Variants in FOXP1 observed in about 807,000 individuals in gnomAD.
FOXP1 encodes forkhead box P1.
Under a neutral mutation model 98.2 loss-of-function variants are expected in FOXP1, and 15 were observed. The ratio of observed to expected loss-of-function variants is 0.15; its 90% confidence interval spans 0.10 to 0.24. FOXP1 has a LOEUF of 0.24. Among genes scored for constraint, FOXP1 ranks in the 10% least tolerant of loss-of-function variants. The pLI is 1.00. For synonymous variants in FOXP1, 371 were observed against 314.5 expected, an observed-to-expected ratio of 1.18 and a Z score of -1.90; for missense variants, 633 against 848.5, an observed-to-expected ratio of 0.75 and a Z score of 3.15.
At chr3:71,031,427 C>A (rs1289430920) in intron 11 of FOXP1, among the ~76,000 whole-genome samples, 1 of 152,166 alleles carries the variant, frequency 6.6e-6, no homozygotes, top group East Asian at 1.9e-4. Context: ...CAAATAGTTA[C>A]ACAAAAGCAG....
chr3:71,171,768 T>G (rs983806809), intron 6 of FOXP1, among the ~76,000 whole-genome samples: 2 of 152,234 alleles, frequency 1.3e-5, no homozygotes, highest in African/African-American at 4.8e-5. Context: ...AAAGTTGTAT[T>G]GACACACAGG....
At chr3:71,271,536 C>T (rs1022277348) in intron 5 of FOXP1, among the ~76,000 whole-genome samples, 1 of 152,182 alleles carries the variant, frequency 6.6e-6, no homozygotes, top group Non-Finnish European at 1.5e-5. Context: ...AACACCTATT[C>T]ATCCACTCCA....
intron 5 of FOXP1, among the ~76,000 whole-genome samples, chr3:71,285,623 C>A (rs1186227624): frequency 6.6e-6 from 1 of 152,150 alleles, no homozygotes; most frequent in African/African-American, 2.4e-5. Context: ...GAAATTAAAT[C>A]CGAGAAAGGG....
At chr3:71,058,744 T>C (rs983818424) in intron 7 of FOXP1, among the ~76,000 whole-genome samples, 2 of 152,048 alleles carry the variant, frequency 1.3e-5, no homozygotes, top group African/African-American at 4.8e-5. Flanking sequence ...ATACAACAGA[T>C]GTATTGGCAA....
At chr3:71,106,613 T>C (rs2687768) in intron 7 of FOXP1, among the ~76,000 whole-genome samples, 147,185 of 151,554 alleles carry the variant, frequency 0.97, 71,509 homozygotes, top group South Asian at 0.99. Flanking sequence ...CGTGAGCCAT[T>C]GCACCCGGCC....
chr3:71,333,816 C>G (rs886296125), intron 4 of FOXP1: 1 of 150,100 alleles, frequency 6.7e-6, no homozygotes. Context: ...AGAGTGAGAC[C>G]CTATCTTAAA....
intron 3 of FOXP1, among the ~76,000 whole-genome samples, chr3:71,434,570 A>G (rs1335890597): frequency 1.3e-5 from 2 of 151,886 alleles, no homozygotes; most frequent in Non-Finnish European, 2.9e-5. Flanking sequence ...CTTCCTGGGC[A>G]CTCATGTATA....
chr3:71,186,160 G>C (rs1239115077), intron 6 of FOXP1, among the ~76,000 whole-genome samples: 1 of 152,134 alleles, frequency 6.6e-6, no homozygotes, highest in African/African-American at 2.4e-5. Context: ...CATAAGATAG[G>C]TTATGTTTTT....
At chr3:71,582,148 G>C (rs1248520594) in intron 1 of FOXP1, 1 of 984,944 alleles carries the variant, frequency 1.0e-6, no homozygotes, top group Non-Finnish European at 1.2e-6. Flanking sequence ...TTCCGGGAGC[G>C]GAGCTCCCCA....
At chr3:71,309,244 A>C (rs1364947134) in intron 4 of FOXP1, among the ~76,000 whole-genome samples, 2 of 152,150 alleles carry the variant, frequency 1.3e-5, no homozygotes, top group African/African-American at 2.4e-5. Flanking sequence ...TTTTGCAAAA[A>C]TTCTTTCCCT....
At chr3:71,295,809 C>T (rs1311625254) in intron 5 of FOXP1, among the ~76,000 whole-genome samples, 1 of 152,160 alleles carries the variant, frequency 6.6e-6, no homozygotes, top group African/African-American at 2.4e-5. Flanking sequence ...TATTAGATCA[C>T]CAAACCAAGG....
Position 71,399,510 on chromosome 3 carries a change from C to A in FOXP1, c.-167-40266G>T, listed in dbSNP as rs189612519. 2.9e-4 allele frequency among the ~76,000 whole-genome samples: 44 copies of A among 152,298 alleles called. 1 individual carries two copies. The East Asian group carries it at 8.1e-3, about 28-fold the overall frequency. ...ATACCTGAAGTTCTAAAATCCTATGCATTTCACTAAAGTCGATAAAAATCA... is the reference window on the plus strand; with the variant it reads ...ATACCTGAAGTTCTAAAATCCTATGAATTTCACTAAAGTCGATAAAAATCA... On this transcript the variant is annotated intron_variant, in intron 3 of 20. Transcript: ENST00000649528.
intron 6 of FOXP1, among the ~76,000 whole-genome samples, chr3:71,190,628 A>AC (rs2062911851): frequency 8.8e-6 from 1 of 113,026 alleles, no homozygotes; most frequent in Non-Finnish European, 1.7e-5. Context: ...ACCGAGCTAG[A>AC]CCCCATCTCC....
In FOXP1 at chr3:71,052,617, GA is replaced by G; in HGVS notation, c.429del (p.Gln144LysfsTer62). 1 of 1,272,976 alleles carries G rather than the reference GA, an allele frequency of 7.9e-7. No homozygotes were observed. The highest frequency in any genetic ancestry group is 1.2e-6 in the Non-Finnish European group (1 of 867,904). 78.9% of individuals were successfully genotyped at this position (1,272,976 alleles called of 1,614,324 possible). A position where few individuals can be genotyped will look rare whatever the true frequency, so the allele number is the denominator to read the frequency against. On this transcript the variant is annotated frameshift_variant, in exon 9 of 21. Coordinates refer to ENST00000649528, the MANE Select transcript of FOXP1 (RefSeq NM_001349338.3). LOFTEE classifies it high-confidence loss of function. The part of the protein sequence containing the change: ...QQALMLQQQQ[L>X]QEFYKKQQEQ... ...TCCTGTTGTTTTTTATAAAACTCTT[GA>G]AGCTGCTGCTACAAAGGAAAGAGAG... is the stretch of plus-strand genomic sequence containing the variant.
chr3:71,562,854 C>A (rs1425945447), intron 2 of FOXP1, among the ~76,000 whole-genome samples: 2 of 152,296 alleles, frequency 1.3e-5, no homozygotes, highest in African/African-American at 4.8e-5. Context: ...CTGGGCCCAA[C>A]AGATACATAA....
intron 11 of FOXP1, among the ~76,000 whole-genome samples, chr3:71,022,771 C>G (rs980539591): frequency 6.6e-6 from 1 of 152,156 alleles, no homozygotes; most frequent in African/African-American, 2.4e-5. Flanking sequence ...CACACAAGAG[C>G]TCCTCCCAGT....
At chr3:71,250,815 C>G (rs1376646845) in intron 5 of FOXP1, among the ~76,000 whole-genome samples, 2 of 152,070 alleles carry the variant, frequency 1.3e-5, no homozygotes, top group African/African-American at 4.8e-5. Context: ...CCTGTAATCC[C>G]AGCTACTCAG....
chr3:71,060,545 G>T (rs2051336307), intron 7 of FOXP1, among the ~76,000 whole-genome samples: 2 of 152,014 alleles, frequency 1.3e-5, no homozygotes, highest in South Asian at 4.1e-4. Context: ...TAGAGTAATT[G>T]TACAAAAAGC....
intron 3 of FOXP1, among the ~76,000 whole-genome samples, chr3:71,426,656 C>T (rs545712547): frequency 2.2e-4 from 33 of 152,310 alleles, no homozygotes; most frequent in Non-Finnish European, 4.6e-4. Context: ...CTAAAAGGCT[C>T]TTTCTCAATT....
Sources: gnomAD v4.1 joint callset for allele counts (sites outside exome capture counted in the v4.1 genomes callset) on GRCh38, gnomAD v4.1.1 for gene constraint, MANE v1.5 for transcripts, NCBI Gene and HGNC (gene_info 2026-07-23, HGNC 2026-07-21) for gene names.